Variants in AGBL1 observed in about 807,000 individuals in gnomAD.
AGBL1 encodes AGBL carboxypeptidase 1.
A neutral mutation model predicts 118.9 loss-of-function variants in AGBL1; 130 were observed. That is an observed-to-expected ratio of 1.09 (90% CI 0.95 to 1.26). AGBL1 has a LOEUF of 1.26. Among genes scored for constraint, AGBL1 ranks in the 50% most tolerant of loss-of-function variants. The pLI is 0.00. For missense variants in AGBL1, 1,584 were observed against 1,298.1 expected, an observed-to-expected ratio of 1.22 and a Z score of -3.38; for synonymous variants, 555 against 478.9, an observed-to-expected ratio of 1.16 and a Z score of -2.08.
At chr15:86,199,563 A>T (rs541330382) in intron 5 of AGBL1, among the ~76,000 whole-genome samples, 20 of 152,340 alleles carry the variant, frequency 1.3e-4, no homozygotes, top group African/African-American at 4.8e-4. Flanking sequence ...CTAACTTCCC[A>T]TTCTTTAGGG....
At chr15:86,619,798 G>A (rs1567086533) in intron 21 of AGBL1, among the ~76,000 whole-genome samples, 2 of 152,162 alleles carry the variant, frequency 1.3e-5, no homozygotes, top group African/African-American at 2.4e-5. Flanking sequence ...TTTAGGGAAG[G>A]CCTCAGAAGA....
In AGBL1 at chr15:86,089,183, A is replaced by G. The variant is rs541737256; in HGVS notation, c.51+9160A>G. Among the ~76,000 whole-genome samples the G allele has an allele frequency of 1.6e-4, 24 of 152,344 alleles. 1 individual carries two copies. In the South Asian group the frequency reaches 1.9e-3, roughly 12 times the overall value. On this transcript the variant is annotated intron_variant, in intron 1 of 22. Transcript: ENST00000614907. ...AATGGTTTTAGACCAATGCCATGTTATATCTCTGCTTGCTTGTGACTGTTG... is the reference window on the plus strand; with the variant it reads ...AATGGTTTTAGACCAATGCCATGTTGTATCTCTGCTTGCTTGTGACTGTTG...
At chr15:86,624,773 G>T (rs2084858979) in intron 21 of AGBL1, among the ~76,000 whole-genome samples, 1 of 152,136 alleles carries the variant, frequency 6.6e-6, no homozygotes, top group African/African-American at 2.4e-5. Flanking sequence ...CTGCCCCAGG[G>T]ACTCCTCTAC....
chr15:86,963,797 T>G (rs2081018312), intron 23 of AGBL1, among the ~76,000 whole-genome samples: 1 of 151,936 alleles, frequency 6.6e-6, no homozygotes, highest in East Asian at 1.9e-4. Flanking sequence ...AATGGTCCTC[T>G]GAAGGCAGTA....
intron 18 of AGBL1, among the ~76,000 whole-genome samples, chr15:86,482,942 G>A (rs886745595): frequency 1.3e-5 from 2 of 151,984 alleles, no homozygotes; most frequent in African/African-American, 4.8e-5. Flanking sequence ...TCTGCAGGGG[G>A]GCCATTCTGA....
intron 23 of AGBL1, among the ~76,000 whole-genome samples, chr15:86,950,149 C>A (rs2080864675): frequency 6.6e-6 from 1 of 151,316 alleles, no homozygotes; most frequent in Admixed American, 6.6e-5. Flanking sequence ...GGAGAAATTA[C>A]CTAAAGGAAA....
At chr15:86,809,758 A>G (rs2078763528) in intron 22 of AGBL1, among the ~76,000 whole-genome samples, 1 of 152,136 alleles carries the variant, frequency 6.6e-6, no homozygotes, top group African/African-American at 2.4e-5. Flanking sequence ...GAACCCATTC[A>G]TCTATATTAT....
At chr15:87,022,545 G>A (rs1341439918) in intron 24 of AGBL1, among the ~76,000 whole-genome samples, 3 of 152,072 alleles carry the variant, frequency 2.0e-5, no homozygotes, top group Non-Finnish European at 4.4e-5. Context: ...GGGAATAATT[G>A]AAGAAAACTT....
At chr15:86,405,761 A>G (rs2081518108) in intron 18 of AGBL1, among the ~76,000 whole-genome samples, 1 of 152,214 alleles carries the variant, frequency 6.6e-6, no homozygotes, top group South Asian at 2.1e-4. Flanking sequence ...ATAAGACTTA[A>G]TATAAGGAAT....
At chr15:86,963,943 C>T (rs1274899916) in intron 23 of AGBL1, among the ~76,000 whole-genome samples, 1 of 150,718 alleles carries the variant, frequency 6.6e-6, no homozygotes, top group East Asian at 2.0e-4. Flanking sequence ...AATACATTGG[C>T]ATAATTTAAG....
chr15:86,956,234 T>C (rs192753493), intron 23 of AGBL1, among the ~76,000 whole-genome samples: 4 of 151,676 alleles, frequency 2.6e-5, no homozygotes, highest in South Asian at 2.1e-4. Flanking sequence ...GATAGATAGA[T>C]AGATAGATAG....
At chr15:86,862,134 G>C (rs1020740076) in intron 22 of AGBL1, among the ~76,000 whole-genome samples, 3 of 152,070 alleles carry the variant, frequency 2.0e-5, no homozygotes, top group South Asian at 2.1e-4. Flanking sequence ...GAATCATTTG[G>C]GGTTAAGTGA....
intron 19 of AGBL1, among the ~76,000 whole-genome samples, chr15:86,527,861 TA>T (rs2083288128): frequency 1.3e-5 from 2 of 152,266 alleles, no homozygotes; most frequent in East Asian, 3.9e-4. Flanking sequence ...TTATAGTGAA[TA>T]TGGCAATATT....
intron 1 of AGBL1, among the ~76,000 whole-genome samples, chr15:86,100,026 G>GT (rs1002827685): frequency 2.4e-4 from 36 of 148,072 alleles, no homozygotes; most frequent in Middle Eastern, 3.4e-3. Context: ...TTTTTGAGAG[G>GT]TTTTTTTTTT....
At chr15:86,092,854 C>A (rs183513878) in intron 1 of AGBL1, among the ~76,000 whole-genome samples, 25 of 152,270 alleles carry the variant, frequency 1.6e-4, no homozygotes, top group African/African-American at 5.5e-4. Flanking sequence ...AATAAACCTA[C>A]TCCTCCAATA....
chr15:86,903,532 C>T (rs1265406836), intron 22 of AGBL1, among the ~76,000 whole-genome samples: 1 of 152,052 alleles, frequency 6.6e-6, no homozygotes, highest in Non-Finnish European at 1.5e-5. Flanking sequence ...TCTTGATTAT[C>T]CTGATTCTTG....
Position 86,136,171 on chromosome 15 carries a change from C to A in AGBL1, c.52-5833C>A, listed in dbSNP as rs184587451. On this transcript the variant is annotated intron_variant, in intron 1 of 22. Transcript: ENST00000614907. ...GTAGAATCTCCCAGCCAAGTTCTGG[C>A]CAAATTTACCTACCCACAAAATCCA... Among the ~76,000 whole-genome samples, 389 of 152,224 alleles carry A rather than the reference C, an allele frequency of 2.6e-3. 3 individuals carry two copies. Among genetic ancestry groups the A allele is most frequent in the Non-Finnish European group, 4.4e-3 (299 of 68,020 alleles).
intron 22 of AGBL1, among the ~76,000 whole-genome samples, chr15:86,687,859 G>C (rs2086088487): frequency 6.6e-6 from 1 of 152,048 alleles, no homozygotes; most frequent in East Asian, 1.9e-4. Context: ...GAGTGTGAGA[G>C]ACCCATACAC....
At chr15:86,605,229 T>G (rs2469172) in intron 21 of AGBL1, among the ~76,000 whole-genome samples, 139,896 of 152,184 alleles carry the variant, frequency 0.92, 64,437 homozygotes, top group East Asian at 0.99. Flanking sequence ...TCAGCTTTTA[T>G]CAACAAGCCT....
Sources: allele counts gnomAD v4.1 joint callset (sites outside exome capture counted in the v4.1 genomes callset), GRCh38; gene constraint gnomAD v4.1.1; transcripts MANE v1.5; gene names NCBI Gene and HGNC (gene_info 2026-07-23, HGNC 2026-07-21).